ZNF84: variants seen among roughly 807,000 people sequenced by gnomAD.
ZNF84 encodes the protein zinc finger protein 84.
ZNF84 carries 12 observed loss-of-function variants against 14.8 expected under a neutral mutation model. The observed-to-expected ratio is 0.81, with a 90% CI of 0.52 to 1.31. ZNF84 has a LOEUF of 1.31. Ranked by LOEUF, ZNF84 falls within the 50% of genes most tolerant of loss-of-function variation. ZNF84 has a pLI of 0.00. For synonymous variants in ZNF84, 347 were observed against 291.1 expected (o/e 1.19, Z -1.96); for missense variants, 859 against 878.6 (o/e 0.98, Z 0.28).
At position 133,062,690 on chromosome 12, in the gene ZNF84, CAT is replaced by C. The variant is rs1446061089; in HGVS notation, c.*3759_*3760del. 13 of 189,026 alleles carry C rather than the reference CAT, an allele frequency of 6.9e-5. No homozygotes were observed. Among genetic ancestry groups the C allele is most frequent in the Admixed American group, 4.3e-4 (8 of 18,704 alleles). 11.7% of individuals were successfully genotyped at this position (189,026 alleles called of 1,614,324 possible). ...AATGCAACCCTGATTTCACATGCCTCATGTTGAAATATCGTGTGGCTTATTGT... is the reference window on the plus strand; with the variant it reads ...AATGCAACCCTGATTTCACATGCCTCGTTGAAATATCGTGTGGCTTATTGT... On this transcript the variant is annotated 3_prime_UTR_variant, in exon 5 of 5. Coordinates refer to ENST00000539354, the MANE Select transcript of ZNF84 (RefSeq NM_001289971.2).
intron 2 of ZNF84, among the ~76,000 whole-genome samples, chr12:133,042,046 C>T (rs1213302523): frequency 1.3e-5 from 2 of 152,148 alleles, no homozygotes; most frequent in Non-Finnish European, 2.9e-5. Flanking sequence ...TGAACTCTTG[C>T]ACCATCCCAC....
chr12:133,040,962 T>C (rs1953876614), intron 1 of ZNF84: 1 of 153,310 alleles, frequency 6.5e-6, no homozygotes, highest in Non-Finnish European at 1.5e-5. Flanking sequence ...GAAACTCAAA[T>C]CTGTTTTAAT....
intron 2 of ZNF84, chr12:133,047,658 C>G (rs907150193): frequency 9.0e-6 from 2 of 221,570 alleles, no homozygotes; most frequent in Non-Finnish European, 1.9e-5. Flanking sequence ...TTCTTTACCT[C>G]CCTGGATACA....
In ZNF84 at chr12:133,057,475, C is replaced by T; in HGVS notation, c.760C>T (p.His254Tyr). 1.2e-6 allele frequency: 2 copies of T among 1,614,212 alleles called. No homozygotes were observed. The highest frequency in any genetic ancestry group is 2.2e-5 in the East Asian group (1 of 44,886). Residue 254 changes from histidine to tyrosine, a missense_variant, in exon 5 of 5, where the codon CAC becomes TAC. Transcript: ENST00000539354. Reference sequence around the variant, plus strand: ...CCAGAAGTCTCAGTTTATTACACATCACAGAACTCATACAGGAGAAAAACC... The same window carrying T: ...CCAGAAGTCTCAGTTTATTACACATTACAGAACTCATACAGGAGAAAAACC... ...FPQKSQFITH[H>Y]RTHTGEKPYN...
Position 133,063,220 on chromosome 12 carries a change from T to A in ZNF84, c.*4288T>A. On this transcript the variant is annotated 3_prime_UTR_variant, in exon 5 of 5. Coordinates refer to ENST00000539354, the MANE Select transcript of ZNF84 (RefSeq NM_001289971.2). ...TCTGGTCTTCATGTTCAGGTCCACC[T>A]CTGCCCTTTTCATGTCTTGATTGTT... 1.4e-6 allele frequency: 1 copy of A among 702,396 alleles called. No homozygotes were observed. Among genetic ancestry groups the A allele is most frequent in the Non-Finnish European group, 2.6e-6 (1 of 384,826 alleles). 43.5% of individuals were successfully genotyped at this position (702,396 alleles called of 1,614,324 possible).
chr12:133,057,583 C>A lies in ZNF84; in HGVS notation c.868C>A (p.Pro290Thr). ...TCAGCGGACACATACAGGAGAGAAA[C>A]CTTATGAGTGTGGTGAATGTGGGAA... Reference protein sequence around the residue: ...SHQRTHTGEKPYECGECGKAF... With the variant: ...SHQRTHTGEKTYECGECGKAF... Residue 290 changes from proline (P) to threonine (T), a missense_variant, in exon 5 of 5, where the codon CCT becomes ACT. Coordinates refer to ENST00000539354, the MANE Select transcript of ZNF84 (RefSeq NM_001289971.2). 6.2e-7 allele frequency: 1 copy of A among 1,614,154 alleles called. No individual in the cohort carries two copies. The highest frequency in any genetic ancestry group is 1.1e-5 in the South Asian group (1 of 91,078).
chr12:133,046,961 G>A (rs1953993233), intron 2 of ZNF84, among the ~76,000 whole-genome samples: 20 of 124,872 alleles, frequency 1.6e-4, no homozygotes, highest in African/African-American at 5.5e-4. Flanking sequence ...ATTATATTAT[G>A]TATTATATTA....
chr12:133,062,143 C>T lies in ZNF84; in HGVS notation c.*3211C>T, dbSNP rs1477548504. 2 of 152,196 alleles carry T rather than the reference C, an allele frequency of 1.3e-5. No individual in the cohort carries two copies. The highest frequency in any genetic ancestry group is 1.3e-4 in the Admixed American group (2 of 15,276). 9.4% of individuals were successfully genotyped at this position (152,196 alleles called of 1,614,324 possible). On this transcript the variant is annotated 3_prime_UTR_variant, in exon 5 of 5. Coordinates refer to ENST00000539354, the MANE Select transcript of ZNF84 (RefSeq NM_001289971.2). Reference sequence around the variant, plus strand: ...TTACTGCCTGGATTTTCCCACTGACCTGGAATTGTGCACAGTTCTACAAAG... The same window carrying T: ...TTACTGCCTGGATTTTCCCACTGACTTGGAATTGTGCACAGTTCTACAAAG...
Position 133,041,563 on chromosome 12 carries a change from A to C in ZNF84, c.15+81A>C, listed in dbSNP as rs1189053676. On this transcript the variant is annotated intron_variant, in intron 2 of 4. Transcript: ENST00000539354. The stretch of plus-strand genomic sequence containing the variant: ...GCCTTCCGGTGAAAAAGAAAAGTTT[A>C]AATAGTTAAGAAATCAGAGGAAAAT... 31 of 1,450,238 alleles carry C rather than the reference A, an allele frequency of 2.1e-5. No homozygotes were observed. The East Asian group carries it at 7.0e-4, about 33-fold the overall frequency. The allele number at this position is 1,450,238 out of a possible 1,614,324, so 89.8% of individuals were successfully genotyped here. A position where few individuals can be genotyped will look rare whatever the true frequency, so the allele number is the denominator to read the frequency against.
At position 133,048,003 on chromosome 12, in the gene ZNF84, T is replaced by C. The variant is rs2137368263; in HGVS notation, c.64T>C (p.Trp22Arg). The change falls in exon 3 of 5, where the codon TGG becomes CGG. Residue 22 changes from tryptophan (W) to arginine (R), a missense_variant. Coordinates refer to ENST00000539354, the MANE Select transcript of ZNF84 (RefSeq NM_001289971.2). ...DLSVDFTQKE[W>R]QLLDPSQKNL... ...ATCTGTGGACTTCACCCAAAAGGAG[T>C]GGCAGCTACTGGATCCCTCTCAGAA... The C allele has an allele frequency of 3.1e-6, 5 of 1,614,064 alleles. No individual in the cohort carries two copies. In the Admixed American group the frequency reaches 5.0e-5, roughly 16 times the overall value.
At chr12:133,044,297 A>G (rs2137344588) in intron 2 of ZNF84, among the ~76,000 whole-genome samples, 2 of 148,358 alleles carry the variant, frequency 1.3e-5, no homozygotes, top group Middle Eastern at 6.8e-3. Context: ...GGCACCTACT[A>G]CTAAGTACAG....
At position 133,062,542 on chromosome 12, in the gene ZNF84, A is replaced by G. The variant is rs920679368; in HGVS notation, c.*3610A>G. 6 of 159,184 alleles carry G rather than the reference A, an allele frequency of 3.8e-5. No individual in the cohort carries two copies. The highest frequency in any genetic ancestry group is 1.8e-4 in the Admixed American group (3 of 16,912). The allele number at this position is 159,184 out of a possible 1,614,324, so 9.9% of individuals were successfully genotyped here. A position where few individuals can be genotyped will look rare whatever the true frequency, so the allele number is the denominator to read the frequency against. ...GTACCAATGAGCTTTCAGATGTTCA[A>G]CACCTACCCCTGGCCTAACTGCTGA... On this transcript the variant is annotated 3_prime_UTR_variant, in exon 5 of 5. Transcript: ENST00000539354.
In ZNF84 at chr12:133,062,819, A is replaced by T. The variant is rs1283700125; in HGVS notation, c.*3887A>T. On this transcript the variant is annotated 3_prime_UTR_variant, in exon 5 of 5. Transcript: ENST00000539354. ...TGAAAACTTTTTCCTCCTATGCAAT[A>T]TTTTCTGGCCTCTGTGAACAACTTG... 1 of 427,450 alleles carries T rather than the reference A, an allele frequency of 2.3e-6. No homozygotes were observed. The highest frequency in any genetic ancestry group is 4.2e-6 in the Non-Finnish European group (1 of 239,178). 26.5% of individuals were successfully genotyped at this position (427,450 alleles called of 1,614,324 possible).
intron 4 of ZNF84, among the ~76,000 whole-genome samples, chr12:133,054,741 A>G (rs1478693992): frequency 6.6e-6 from 1 of 152,066 alleles, no homozygotes; most frequent in African/African-American, 2.4e-5. Context: ...AATTAAAAAT[A>G]CAATTTTTTT....
At chr12:133,039,552 TTA>T (rs1321585260) in intron 1 of ZNF84, among the ~76,000 whole-genome samples, 1 of 152,242 alleles carries the variant, frequency 6.6e-6, no homozygotes, top group East Asian at 1.9e-4. Flanking sequence ...AAAATGGAGA[TTA>T]TGTTAAACGC....
Position 133,059,162 on chromosome 12 carries a change from A to G in ZNF84, c.*230A>G. 1 of 442,068 alleles carries G rather than the reference A, an allele frequency of 2.3e-6. No homozygotes were observed. The highest frequency in any genetic ancestry group is 4.0e-6 in the Non-Finnish European group (1 of 252,012). 27.4% of individuals were successfully genotyped at this position (442,068 alleles called of 1,614,324 possible). On this transcript the variant is annotated 3_prime_UTR_variant, in exon 5 of 5. Coordinates refer to ENST00000539354, the MANE Select transcript of ZNF84 (RefSeq NM_001289971.2). Reference sequence around the variant, plus strand: ...ACCATAGACAAGCCTTATAGAGTAGAACATTCACAGCAAAGAAGAATCCTG... The same window carrying G: ...ACCATAGACAAGCCTTATAGAGTAGGACATTCACAGCAAAGAAGAATCCTG...
At position 133,057,557 on chromosome 12, in the gene ZNF84, A is replaced by G. The variant is rs1300519077; in HGVS notation, c.842A>G (p.His281Arg). 4 of 1,614,088 alleles carry G rather than the reference A, an allele frequency of 2.5e-6. No homozygotes were observed. The African/African-American group carries it at 4.0e-5, about 16-fold the overall frequency. Reference protein sequence around the residue: ...AFSQKSQLTSHQRTHTGEKPY... With the variant: ...AFSQKSQLTSRQRTHTGEKPY... ...TCCCAAAAGTCACAGCTCACATCCCATCAGCGGACACATACAGGAGAGAAA... is the reference window on the plus strand; with the variant it reads ...TCCCAAAAGTCACAGCTCACATCCCGTCAGCGGACACATACAGGAGAGAAA... Residue 281 changes from histidine (H) to arginine (R), a missense_variant, in exon 5 of 5, where the codon CAT becomes CGT. Physicochemically the swap from His to Arg is conservative, Grantham distance 29. Transcript: ENST00000539354.
chr12:133,048,790 G>A lies in ZNF84; in HGVS notation c.180G>A (p.Leu60=), dbSNP rs1009547187. 4 of 1,613,696 alleles carry A rather than the reference G, an allele frequency of 2.5e-6. No homozygotes were observed. The African/African-American group carries it at 4.0e-5, about 16-fold the overall frequency. The stretch of plus-strand genomic sequence containing the variant: ...TGAAACCAGATGTCATCTTCAAATT[G>A]GAGCAAGGAGAAGAGCCGTGGGTAG... ...EVMKPDVIFK[L]EQGEEPWVGD... Residue 60 remains leucine, a synonymous_variant, in exon 4 of 5, where the codon TTG becomes TTA. Coordinates refer to ENST00000539354, the MANE Select transcript of ZNF84 (RefSeq NM_001289971.2).
intron 4 of ZNF84, among the ~76,000 whole-genome samples, chr12:133,053,331 A>G (rs1954101973): frequency 6.6e-6 from 1 of 152,238 alleles, no homozygotes. Flanking sequence ...CAATAATTTG[A>G]TAACATTTAA....
Sources: allele counts gnomAD v4.1 joint callset (sites outside exome capture counted in the v4.1 genomes callset), GRCh38; gene constraint gnomAD v4.1.1; transcripts MANE v1.5; gene names NCBI Gene and HGNC (gene_info 2026-07-23, HGNC 2026-07-21).